RIC1: variants seen among roughly 807,000 people sequenced by gnomAD.
RIC1 encodes the protein RIC1 partner of RAB6A GEF complex, also known as guanine nucleotide exchange factor subunit RIC1.
Under a neutral mutation model 169.0 loss-of-function variants are expected in RIC1, and 88 were observed. That is an observed-to-expected ratio of 0.52 (90% CI 0.44 to 0.62). The LOEUF is 0.62. Ranked by LOEUF, RIC1 falls within the 20% of genes least tolerant of loss-of-function variation. The pLI is 0.00. For missense variants in RIC1, 1,877 were observed against 1,725.5 expected (o/e 1.09, Z -1.56); for synonymous variants, 790 against 601.5 (o/e 1.31, Z -4.59).
intron 10 of RIC1, 122 bp from the exon 11 acceptor site, chr9:5,745,809 C>A (rs1338671173): frequency 1.1e-4 from 90 of 807,166 alleles, no homozygotes; most frequent in Non-Finnish European, 1.4e-4. Context: ...GTTTCTCCAA[C>A]CTTCACAAAT....
chr9:5,671,827 A>C (rs984933806), intron 2 of RIC1, among the ~76,000 whole-genome samples: 2 of 152,202 alleles, frequency 1.3e-5, no homozygotes, highest in African/African-American at 4.8e-5. Flanking sequence ...GACCAGGCAG[A>C]GGGAAAGGTT....
intron 1 of RIC1, among the ~76,000 whole-genome samples, chr9:5,630,458 G>C (rs974709037): frequency 6.6e-6 from 1 of 152,138 alleles, no homozygotes; most frequent in Non-Finnish European, 1.5e-5. Flanking sequence ...TGAAATACTG[G>C]TTTTAGTTTG....
chr9:5,647,777 T>C (rs940681661), intron 1 of RIC1, among the ~76,000 whole-genome samples: 2 of 152,358 alleles, frequency 1.3e-5, no homozygotes, highest in Middle Eastern at 3.4e-3. Context: ...CTTTAGGTAT[T>C]ACGTTGAATG....
chr9:5,778,419 C>T (rs938032801), downstream of RIC1, among the ~76,000 whole-genome samples: 2 of 152,188 alleles, frequency 1.3e-5, no homozygotes, highest in African/African-American at 4.8e-5. Flanking sequence ...GCTAGAGCCA[C>T]TAGTACAATG....
intron 8 of RIC1, among the ~76,000 whole-genome samples, chr9:5,740,040 C>G (rs532614472): frequency 6.6e-6 from 1 of 152,266 alleles, no homozygotes; most frequent in South Asian, 2.1e-4. Flanking sequence ...AGTTTTGAGG[C>G]TCAGTATCTG....
chr9:5,650,587 A>G (rs1265271304), intron 1 of RIC1, among the ~76,000 whole-genome samples: 1 of 151,986 alleles, frequency 6.6e-6, no homozygotes, highest in African/African-American at 2.4e-5. Flanking sequence ...CTTTGCTCCA[A>G]GCAGTGTCAG....
At chr9:5,711,696 G>C (rs1822936856) in intron 3 of RIC1, among the ~76,000 whole-genome samples, 1 of 152,006 alleles carries the variant, frequency 6.6e-6, no homozygotes, top group African/African-American at 2.4e-5. Context: ...ATTTACATTA[G>C]GTATATCTCC....
At chr9:5,679,179 G>A (rs920532158) in intron 2 of RIC1, among the ~76,000 whole-genome samples, 5 of 152,046 alleles carry the variant, frequency 3.3e-5, no homozygotes, top group African/African-American at 1.2e-4. Flanking sequence ...ATTTCTGAGG[G>A]CTCTGTTCTG....
chr9:5,689,250 A>T (rs1763320857), intron 2 of RIC1, among the ~76,000 whole-genome samples: 3 of 151,830 alleles, frequency 2.0e-5, no homozygotes, highest in Admixed American at 2.0e-4. Flanking sequence ...ACAGGGTTTC[A>T]CCACGTTAGC....
chr9:5,722,709 C>T (rs1339611883), intron 6 of RIC1, among the ~76,000 whole-genome samples: 1 of 151,998 alleles, frequency 6.6e-6, no homozygotes. Flanking sequence ...CTCCCCCCCT[C>T]GCCCCACCCC....
chr9:5,639,991 C>T (rs1818161687), intron 1 of RIC1, among the ~76,000 whole-genome samples: 1 of 152,146 alleles, frequency 6.6e-6, no homozygotes, highest in South Asian at 2.1e-4. Context: ...TTGTGGGCAA[C>T]AGATCAGTGG....
chr9:5,723,348 A>G (rs1823733331), intron 6 of RIC1, among the ~76,000 whole-genome samples: 1 of 152,206 alleles, frequency 6.6e-6, no homozygotes, highest in Non-Finnish European at 1.5e-5. Context: ...GGCTGCATAA[A>G]TGTCTTCTTT....
At chr9:5,631,936 G>A (rs1021621065) in intron 1 of RIC1, among the ~76,000 whole-genome samples, 4 of 152,080 alleles carry the variant, frequency 2.6e-5, no homozygotes, top group African/African-American at 9.7e-5. Context: ...TAAATTAAAG[G>A]GCTATCAGTT....
intron 6 of RIC1, among the ~76,000 whole-genome samples, chr9:5,729,878 A>G (rs1824256646): frequency 1.3e-5 from 2 of 152,106 alleles, no homozygotes; most frequent in East Asian, 1.9e-4. Context: ...GTGCATATAT[A>G]TTTGTAATTA....
chr9:5,650,609 C>T (rs369861575), intron 1 of RIC1, among the ~76,000 whole-genome samples: 1 of 151,996 alleles, frequency 6.6e-6, no homozygotes, highest in African/African-American at 2.4e-5. Context: ...AACATTGACA[C>T]TGGCATGCTG....
Position 5,761,808 on chromosome 9 carries a change from C to T in RIC1, c.1993-733C>T, listed in dbSNP as rs540521657. Among the ~76,000 whole-genome samples, 69 of 152,192 alleles carry T rather than the reference C, an allele frequency of 4.5e-4. No individual in the cohort carries two copies. The South Asian group carries it at 6.2e-3, about 14-fold the overall frequency. The stretch of plus-strand genomic sequence containing the variant: ...TTAATGTGCATAATGGTTTAAGTTG[C>T]GTGATAGGGCTCAATTGGAAATCAT... On this transcript the variant is annotated intron_variant, in intron 17 of 25. Coordinates refer to ENST00000414202, the MANE Select transcript of RIC1 (RefSeq NM_020829.4).
chr9:5,766,531 T>C (rs948893283), intron 21 of RIC1, among the ~76,000 whole-genome samples: 4 of 152,146 alleles, frequency 2.6e-5, no homozygotes, highest in East Asian at 1.9e-4. Context: ...CCAAAGTCCA[T>C]TGTATCATTC....
chr9:5,750,719 T>TAACA (rs1825670147), intron 12 of RIC1, among the ~76,000 whole-genome samples: 1 of 151,792 alleles, frequency 6.6e-6, no homozygotes, highest in African/African-American at 2.4e-5. Flanking sequence ...AGTTTTCCAG[T>TAACA]GATGTGGCAT....
chr9:5,719,015 G>A (rs925533931), intron 4 of RIC1: 23 of 152,060 alleles, frequency 1.5e-4, no homozygotes, highest in African/African-American at 4.6e-4. Context: ...TCAGAAATAT[G>A]CTCTTAAGTA....
Sources: allele counts gnomAD v4.1 joint callset (sites outside exome capture counted in the v4.1 genomes callset), GRCh38; gene constraint gnomAD v4.1.1; transcripts MANE v1.5; gene names NCBI Gene and HGNC (gene_info 2026-07-23, HGNC 2026-07-21).